Variants in KANK1 observed in about 807,000 individuals in gnomAD.
KANK1 encodes the protein KN motif and ankyrin repeat domain-containing protein 1.
Under a neutral mutation model 106.2 loss-of-function variants are expected in KANK1, and 109 were observed. The ratio of observed to expected loss-of-function variants is 1.03; its 90% confidence interval spans 0.88 to 1.20. The LOEUF is 1.20. Among genes scored for constraint, KANK1 ranks in the 50% most tolerant of loss-of-function variants. KANK1 has a pLI of 0.00. For missense variants in KANK1, 2,399 were observed against 1,710.7 expected (o/e 1.40, Z -7.10); for synonymous variants, 873 against 652.2 (o/e 1.34, Z -5.16).
chr9:593,435 T>C (rs1206674078), intron 1 of KANK1, among the ~76,000 whole-genome samples: 1 of 148,264 alleles, frequency 6.7e-6, no homozygotes, highest in East Asian at 1.9e-4. Context: ...AGTGGATATA[T>C]TAGATCTTTA....
At position 585,488 on chromosome 9, in the gene KANK1, C is replaced by G. The variant is rs115577543; in HGVS notation, c.-84+80734C>G. Among the ~76,000 whole-genome samples, 1,133 of 152,252 alleles carry G rather than the reference C, an allele frequency of 7.4e-3. 10 individuals carry two copies. The highest frequency in any genetic ancestry group is 0.025 in the African/African-American group (1,025 of 41,554). On this transcript the variant is annotated intron_variant, in intron 1 of 11. Coordinates refer to ENST00000382297, the MANE Select transcript of KANK1 (RefSeq NM_015158.5). ...TGATGGAATTAATAAAAGACGCTTACCTTAAGGCACAAAGGCCTATGAATT... is the reference window on the plus strand; with the variant it reads ...TGATGGAATTAATAAAAGACGCTTAGCTTAAGGCACAAAGGCCTATGAATT...
chr9:720,043 G>A (rs16923103), intron 3 of KANK1, among the ~76,000 whole-genome samples: 3,120 of 152,236 alleles, frequency 0.02, 95 homozygotes, highest in African/African-American at 0.07. Flanking sequence ...AGTGCACTTC[G>A]GAATGATAAT....
intron 2 of KANK1, 23 bp downstream of exon 2, chr9:677,032 G>A: frequency 6.2e-7 from 1 of 1,608,764 alleles, no homozygotes; most frequent in Non-Finnish European, 8.5e-7. Flanking sequence ...TCTGGAGTTT[G>A]TGTGTTAAAT....
intron 1 of KANK1, among the ~76,000 whole-genome samples, chr9:658,481 G>A (rs931717499): frequency 2.0e-5 from 3 of 151,906 alleles, no homozygotes; most frequent in Admixed American, 1.3e-4. Flanking sequence ...GAAAAAAAAA[G>A]ATTGTAATTT....
chr9:652,168 G>T (rs2361101), intron 1 of KANK1, among the ~76,000 whole-genome samples: 94,748 of 151,964 alleles, frequency 0.62, 31,837 homozygotes, highest in East Asian at 0.89. Flanking sequence ...TTGCAAATAT[G>T]TGTTTGGAAT....
chr9:704,598 A>G (rs914369407), intron 2 of KANK1, among the ~76,000 whole-genome samples: 1 of 152,156 alleles, frequency 6.6e-6, no homozygotes, highest in African/African-American at 2.4e-5. Flanking sequence ...GGCCACCCCT[A>G]TTCATTCACC....
intron 1 of KANK1, among the ~76,000 whole-genome samples, chr9:573,974 C>T (rs1819876194): frequency 6.6e-6 from 1 of 152,196 alleles, no homozygotes. Context: ...CTTGGAGGAG[C>T]CAACCAGGAG....
chr9:682,369 T>C (rs942452846), intron 2 of KANK1, among the ~76,000 whole-genome samples: 13 of 152,128 alleles, frequency 8.5e-5, no homozygotes, highest in African/African-American at 3.1e-4. Flanking sequence ...AATTCCACAC[T>C]AGGTCTTATT....
chr9:508,133 T>A, intron 1 of KANK1, among the ~76,000 whole-genome samples: 1 of 99,932 alleles, frequency 1.0e-5, no homozygotes, highest in African/African-American at 5.7e-5. Flanking sequence ...TTTTTTTTTT[T>A]TTTTTTTTTT....
chr9:737,637 G>C (rs6477179), intron 7 of KANK1, among the ~76,000 whole-genome samples: 99,139 of 151,954 alleles, frequency 0.65, 33,866 homozygotes, highest in African/African-American at 0.86. Context: ...TCCAGACGGG[G>C]TTCCCTTTTA....
At chr9:674,217 C>T (rs138821078) in intron 1 of KANK1, 1 of 152,094 alleles carries the variant, frequency 6.6e-6, no homozygotes, top group South Asian at 2.1e-4. Context: ...ATTACCCCTT[C>T]ATCAGGGAGA....
chr9:718,942 A>T (rs1364977625), intron 3 of KANK1, among the ~76,000 whole-genome samples: 1 of 143,904 alleles, frequency 6.9e-6, no homozygotes, highest in Non-Finnish European at 1.5e-5. Context: ...GAGTGAATTC[A>T]TGCTCGAGCC....
chr9:670,882 G>C (rs10975696), intron 1 of KANK1, among the ~76,000 whole-genome samples: 36,279 of 150,202 alleles, frequency 0.24, 5,659 homozygotes, highest in South Asian at 0.45. Flanking sequence ...ACATGTGCTT[G>C]ATACCAAGCA....
chr9:577,097 G>C (rs1265842342), intron 1 of KANK1, among the ~76,000 whole-genome samples: 1 of 152,168 alleles, frequency 6.6e-6, no homozygotes, highest in Non-Finnish European at 1.5e-5. Context: ...AGGTAGTGCA[G>C]ACCCAAAGAC....
At chr9:613,430 A>C (rs1831044556) in intron 1 of KANK1, among the ~76,000 whole-genome samples, 1 of 151,950 alleles carries the variant, frequency 6.6e-6, no homozygotes, top group African/African-American at 2.4e-5. Context: ...AATGCAGCCC[A>C]ACACAAATTT....
chr9:693,539 C>A (rs1820492384), intron 2 of KANK1: 1 of 985,376 alleles, frequency 1.0e-6, no homozygotes, highest in Non-Finnish European at 1.2e-6. Flanking sequence ...TTTTTAAGAT[C>A]TTGCTAGCAG....
At chr9:495,071 G>A (rs961598439) in intron 3 of KANK1, among the ~76,000 whole-genome samples, 1 of 152,208 alleles carries the variant, frequency 6.6e-6, no homozygotes, top group Non-Finnish European at 1.5e-5. Context: ...CTAGAATTCT[G>A]TGTGTTTCCT....
intron 1 of KANK1, among the ~76,000 whole-genome samples, chr9:638,397 T>C (rs1469351884): frequency 3.9e-5 from 6 of 152,194 alleles, no homozygotes; most frequent in Non-Finnish European, 7.3e-5. Flanking sequence ...CCTGAGGTTT[T>C]GCTCTCATCA....
At chr9:596,938 G>T (rs1826367515) in intron 1 of KANK1, among the ~76,000 whole-genome samples, 1 of 129,704 alleles carries the variant, frequency 7.7e-6, no homozygotes, top group Non-Finnish European at 1.9e-5. Context: ...TCATTAATCT[G>T]CTTTCAGTCT....
Sources: allele counts gnomAD v4.1 joint callset (sites outside exome capture counted in the v4.1 genomes callset), GRCh38; gene constraint gnomAD v4.1.1; transcripts MANE v1.5; gene names NCBI Gene and HGNC (gene_info 2026-07-23, HGNC 2026-07-21).